Variants in STRN3 observed in about 807,000 individuals in gnomAD.
The protein encoded by STRN3 is striatin-3.
A neutral mutation model predicts 95.6 loss-of-function variants in STRN3; 29 were observed. The observed-to-expected ratio is 0.30, with a 90% confidence interval of 0.23 to 0.41. The LOEUF (loss-of-function observed/expected upper bound fraction) is 0.41. Ranked by LOEUF, STRN3 falls within the 10% of genes least tolerant of loss-of-function variation. The pLI is 1.00. For synonymous variants in STRN3, 331 were observed against 357.6 expected (o/e 0.93, Z 0.84); for missense variants, 890 against 972.1 (o/e 0.92, Z 1.12).
intron 6 of STRN3, among the ~76,000 whole-genome samples, chr14:30,935,507 G>A (rs1878775163): frequency 1.3e-5 from 2 of 152,162 alleles, no homozygotes; most frequent in South Asian, 4.1e-4. Context: ...TCTAAGTAAT[G>A]TGGCACTAAA....
At chr14:30,943,692 T>C (rs1879201903) in intron 5 of STRN3, among the ~76,000 whole-genome samples, 1 of 152,196 alleles carries the variant, frequency 6.6e-6, no homozygotes, top group African/African-American at 2.4e-5. Context: ...CATTGGAATA[T>C]CGTTGGTTAT....
At chr14:30,911,851 G>T (rs1896618803) in intron 11 of STRN3, 27 bp from the exon 12 acceptor site, 3 of 1,594,516 alleles carry the variant, frequency 1.9e-6, no homozygotes, top group African/African-American at 1.4e-5. Context: ...AAGGGTAGGG[G>T]AAGAGAAGGC....
rs1191963792 is a variant in STRN3, at chr14:30,929,954, CAAAAAA to C, written c.989-649_989-644del. 4.3e-3 allele frequency among the ~76,000 whole-genome samples: 174 copies of C among 40,004 alleles called. 1 individual carries two copies. In the East Asian group the frequency reaches 0.052, roughly 12 times the overall value. The allele number at this position is 40,004 out of a possible 152,430, so 26.2% of individuals were successfully genotyped here. A position where few individuals can be genotyped will look rare whatever the true frequency, so the allele number is the denominator to read the frequency against. On this transcript the variant is annotated intron_variant, in intron 7 of 17. Transcript: ENST00000357479. ...TCCATTGGTCTACAACTAAGATTAG[CAAAAAA>C]AAAAAAAAAAAAAAAAAAACTCAAA...
At chr14:30,934,856 C>G (rs1035485272) in intron 7 of STRN3, among the ~76,000 whole-genome samples, 5 of 151,976 alleles carry the variant, frequency 3.3e-5, no homozygotes, top group South Asian at 4.1e-4. Flanking sequence ...AAACTGAATA[C>G]ATAAATTTTT....
Position 30,895,482 on chromosome 14 carries a change from C to T in STRN3, c.2323G>A (p.Val775Ile), listed in dbSNP as rs1346866310. The T allele has an allele frequency of 6.2e-7, 1 of 1,614,082 alleles. No individual in the cohort carries two copies. The highest frequency in any genetic ancestry group is 1.7e-5 in the Admixed American group (1 of 60,014). The change falls in exon 18 of 18, where the codon GTT becomes ATT. Residue 775 changes from valine (V) to isoleucine (I), a missense_variant. Physicochemically the swap from Val to Ile is conservative, Grantham distance 29. Coordinates refer to ENST00000357479, the MANE Select transcript of STRN3 (RefSeq NM_001083893.2). ...TATGCTTTTGACGAGTGGAAAGCAACATCATAAATTGATTCATCCAATTTC... is the reference window on the plus strand; with the variant it reads ...TATGCTTTTGACGAGTGGAAAGCAATATCATAAATTGATTCATCCAATTTC... ...RKKLDESIYDVAFHSSKAYIA... is the reference protein window; with the variant it reads ...RKKLDESIYDIAFHSSKAYIA...
At chr14:30,936,304 T>TTA (rs1335290751) in intron 6 of STRN3, among the ~76,000 whole-genome samples, 191 bp downstream of exon 6, 1 of 152,188 alleles carries the variant, frequency 6.6e-6, no homozygotes, top group African/African-American at 2.4e-5. Context: ...TCTTGCCCAT[T>TTA]TAGTGAATAA....
Position 30,894,878 on chromosome 14 carries a change from T to C in STRN3, c.*533A>G, listed in dbSNP as rs1347659084. The C allele has an allele frequency of 1.2e-6, 1 of 862,408 alleles. No homozygotes were observed. Among genetic ancestry groups the C allele is most frequent in the Non-Finnish European group, 1.5e-6 (1 of 663,338 alleles). The allele number at this position is 862,408 out of a possible 1,614,324, so 53.4% of individuals were successfully genotyped here. The stretch of plus-strand genomic sequence containing the variant: ...GCAACTAATGCTAAAATATTTTAAG[T>C]TAAATTTTCTTTTTCTTTTTTTTTT... On this transcript the variant is annotated 3_prime_UTR_variant, in exon 18 of 18. Transcript: ENST00000357479.
intron 15 of STRN3, 32 bp downstream of exon 15, chr14:30,905,386 T>C: frequency 6.4e-7 from 1 of 1,566,240 alleles, no homozygotes; most frequent in Non-Finnish European, 8.6e-7. Context: ...TAACCCTTTT[T>C]AAGGTTTCAA....
At chr14:30,966,758 C>T (rs1014402049) in intron 1 of STRN3, among the ~76,000 whole-genome samples, 5 of 152,096 alleles carry the variant, frequency 3.3e-5, no homozygotes, top group African/African-American at 7.2e-5. Flanking sequence ...TACTGCTGGA[C>T]GGAGTGAGTG....
intron 5 of STRN3, among the ~76,000 whole-genome samples, chr14:30,937,086 G>A (rs1878859748): frequency 6.6e-6 from 1 of 152,050 alleles, no homozygotes; most frequent in South Asian, 2.1e-4. Context: ...TTTGGGAGGT[G>A]AAGAGGGGAA....
chr14:30,955,579 TGA>T, intron 3 of STRN3, 39 bp downstream of exon 3: 1 of 1,492,746 alleles, frequency 6.7e-7, no homozygotes, highest in East Asian at 2.4e-5. Flanking sequence ...ACATAAAAAA[TGA>T]ATTAAAAAAA....
intron 1 of STRN3, among the ~76,000 whole-genome samples, chr14:31,009,029 A>T (rs987292051): frequency 6.6e-6 from 1 of 151,876 alleles, no homozygotes; most frequent in African/African-American, 2.4e-5. Flanking sequence ...ACAGAAAGAG[A>T]CCCTCTCTCA....
Position 30,935,192 on chromosome 14 carries a change from G to A in STRN3, c.959C>T (p.Ala320Val). The change falls in exon 7 of 18, where the codon GCA (alanine) becomes GTA (valine). Residue 320 changes from alanine (A) to valine (V), a missense_variant. This residue lies in a region of STRN3 where 526 missense variants were observed against 526.3 expected (regional missense o/e 1.00). Transcript: ENST00000357479. ...TTCTGTGCCATCCCCCGAACTCCGTGCTTCTCCAGCTCCTTCACCATCTTC... is the reference window on the plus strand; with the variant it reads ...TTCTGTGCCATCCCCCGAACTCCGTACTTCTCCAGCTCCTTCACCATCTTC... ...TAEDGEGAGE[A>V]RSSGDGTEWD... The A allele has an allele frequency of 6.2e-7, 1 of 1,614,040 alleles. No individual in the cohort carries two copies. Among genetic ancestry groups the A allele is most frequent in the South Asian group, 1.1e-5 (1 of 91,080 alleles).
At position 30,907,193 on chromosome 14, in the gene STRN3, C is replaced by T. The variant is rs976011631; in HGVS notation, c.1721-149G>A. 6.1e-5 allele frequency: 49 copies of T among 809,688 alleles called. No homozygotes were observed. The African/African-American group carries it at 7.4e-4, about 12-fold the overall frequency. 50.2% of individuals were successfully genotyped at this position (809,688 alleles called of 1,614,324 possible). On this transcript the variant is annotated intron_variant, in intron 13 of 17. Transcript: ENST00000357479. ...ACTAAAGTGTACATAGTGGCTATAT[C>T]TAAGAGTAGAGTTATGGCCTACTTT...
intron 1 of STRN3, among the ~76,000 whole-genome samples, chr14:30,958,182 A>G (rs568671861): frequency 1.3e-5 from 2 of 150,642 alleles, no homozygotes; most frequent in African/African-American, 4.9e-5. Context: ...GCGTGGTAGC[A>G]TGTTCCTGTA....
intron 1 of STRN3, among the ~76,000 whole-genome samples, chr14:30,971,514 A>G (rs539509945): frequency 3.8e-4 from 58 of 152,318 alleles, no homozygotes; most frequent in Admixed American, 9.8e-4. Context: ...TATTAACTAC[A>G]CTAGAGATGC....
In STRN3 at chr14:30,972,135, C is replaced by T. The variant is rs148256550; in HGVS notation, c.283-15893G>A. Among the ~76,000 whole-genome samples, 728 of 152,250 alleles carry T rather than the reference C, an allele frequency of 4.8e-3. 7 individuals are homozygous for T. The highest frequency in any genetic ancestry group is 0.016 in the African/African-American group (683 of 41,520). On this transcript the variant is annotated intron_variant, in intron 1 of 17. Transcript: ENST00000357479. ...TTCTACTTTTAAACTTAAACTTCCT[C>T]GTAAAGCAATCTTTTTCGATTATCT... is the stretch of plus-strand genomic sequence containing the variant.
At chr14:30,964,362 G>A (rs1349920104) in intron 1 of STRN3, 1 of 152,364 alleles carries the variant, frequency 6.6e-6, no homozygotes, top group African/African-American at 2.4e-5. Flanking sequence ...AACCAACACA[G>A]ATGTTTCTCT....
At position 31,025,906 on chromosome 14, in the gene STRN3, GCAGTTCGGCCCGTTCCACCTCC is replaced by G; in HGVS notation, c.258_279del (p.Trp86CysfsTer18). On this transcript the variant is annotated frameshift_variant, in exon 1 of 18. Transcript: ENST00000357479. LOFTEE classifies it high-confidence loss of function. Reference sequence around the variant, plus strand: ...GCACACCGACCCCAACGAGGTACCTGCAGTTCGGCCCGTTCCACCTCCCAGTGCGCCCGCTCCATCTCGAACC... The same window carrying G: ...GCACACCGACCCCAACGAGGTACCTGCAGTGCGCCCGCTCCATCTCGAACC... 2 of 1,600,542 alleles carry G rather than the reference GCAGTTCGGCCCGTTCCACCTCC, an allele frequency of 1.2e-6. No individual in the cohort carries two copies. The highest frequency in any genetic ancestry group is 1.7e-6 in the Non-Finnish European group (2 of 1,174,104).
Sources: allele counts gnomAD v4.1 joint callset (sites outside exome capture counted in the v4.1 genomes callset), GRCh38; gene constraint gnomAD v4.1.1; regional missense constraint gnomAD v4.1.1; transcripts MANE v1.5; gene names NCBI Gene and HGNC (gene_info 2026-07-23, HGNC 2026-07-21).